The following CLIC4 variants were observed in gnomAD, a reference collection of about 807,000 sequenced individuals.
The protein encoded by CLIC4 is chloride intracellular channel protein 4.
In CLIC4, 13 loss-of-function variants were observed where a neutral mutation model predicts 24.6. The observed-to-expected ratio is 0.53, with a 90% CI of 0.34 to 0.84. The LOEUF is 0.84. Among genes scored for constraint, CLIC4 ranks in the 40% least tolerant of loss-of-function variants. The probability of loss-of-function intolerance (pLI) is 0.01; values close to 1 mark genes in which losing one functional copy is unlikely to be tolerated. For missense variants in CLIC4, 227 were observed against 301.7 expected (o/e 0.75, Z 1.83); for synonymous variants, 104 against 111.3 (o/e 0.93, Z 0.41).
At chr1:24,768,058 C>T (rs1639025355) in intron 1 of CLIC4, among the ~76,000 whole-genome samples, 1 of 152,072 alleles carries the variant, frequency 6.6e-6, no homozygotes, top group South Asian at 2.1e-4. Context: ...TCAGGCTGAT[C>T]TCGGACTCCT....
At chr1:24,774,914 T>C (rs1639115189) in intron 1 of CLIC4, among the ~76,000 whole-genome samples, 4 of 151,576 alleles carry the variant, frequency 2.6e-5, no homozygotes, top group Admixed American at 2.6e-4. Flanking sequence ...CTACTGAAAA[T>C]ACAAAAATTA....
At chr1:24,756,630 A>G (rs1297949614) in intron 1 of CLIC4, among the ~76,000 whole-genome samples, 1 of 152,228 alleles carries the variant, frequency 6.6e-6, no homozygotes, top group Non-Finnish European at 1.5e-5. Flanking sequence ...CAGCATAGCT[A>G]TTTATTTGTG....
intron 3 of CLIC4, among the ~76,000 whole-genome samples, chr1:24,819,403 A>T (rs1401001705): frequency 1.3e-5 from 2 of 152,106 alleles, no homozygotes; most frequent in African/African-American, 4.8e-5. Flanking sequence ...TCAGTAGGGT[A>T]CTATTGTGAA....
intron 1 of CLIC4, among the ~76,000 whole-genome samples, chr1:24,797,186 G>A (rs945874392): frequency 2.0e-5 from 3 of 151,248 alleles, no homozygotes; most frequent in Admixed American, 1.3e-4. Flanking sequence ...ACTCCTGACC[G>A]TGTGATCCAC....
At chr1:24,788,265 T>C (rs1317032518) in intron 1 of CLIC4, among the ~76,000 whole-genome samples, 1 of 152,098 alleles carries the variant, frequency 6.6e-6, no homozygotes, top group African/African-American at 2.4e-5. Context: ...GCTGGGATTA[T>C]AGATGTTAGC....
chr1:24,828,472 G>A (rs895479810), intron 4 of CLIC4, among the ~76,000 whole-genome samples: 1 of 151,954 alleles, frequency 6.6e-6, no homozygotes, highest in Non-Finnish European at 1.5e-5. Flanking sequence ...TCTGTTCTGC[G>A]CTTCATGCGA....
At chr1:24,797,630 C>A in intron 1 of CLIC4, 112 bp from the exon 2 acceptor site, 1 of 632,688 alleles carries the variant, frequency 1.6e-6, no homozygotes, top group Non-Finnish European at 2.6e-6. Flanking sequence ...CTTCCTTCCA[C>A]AATGTAACTT....
chr1:24,758,885 AGACTT>A (rs1385910691), intron 1 of CLIC4, among the ~76,000 whole-genome samples: 6 of 152,134 alleles, frequency 3.9e-5, no homozygotes, highest in African/African-American at 9.7e-5. Context: ...TCATGACAGA[AGACTT>A]GAATGAGTGA....
chr1:24,773,817 C>A (rs1293579440), intron 1 of CLIC4, among the ~76,000 whole-genome samples: 1 of 150,240 alleles, frequency 6.7e-6, no homozygotes, highest in African/African-American at 2.4e-5. Flanking sequence ...AGGCTGGTCT[C>A]AAAACTCCCA....
At chr1:24,791,989 C>T (rs946580518) in intron 1 of CLIC4, among the ~76,000 whole-genome samples, 5 of 147,230 alleles carry the variant, frequency 3.4e-5, no homozygotes, top group South Asian at 2.1e-4. Flanking sequence ...GTAGAGGTTG[C>T]AATGAGCCGA....
chr1:24,756,721 TAAG>T, intron 1 of CLIC4, among the ~76,000 whole-genome samples: 1 of 152,118 alleles, frequency 6.6e-6, no homozygotes, highest in South Asian at 2.1e-4. Context: ...CTGAGGTAAT[TAAG>T]AACTTTTTTT....
At chr1:24,817,531 G>A (rs1282706135) in intron 3 of CLIC4, among the ~76,000 whole-genome samples, 1 of 152,216 alleles carries the variant, frequency 6.6e-6, no homozygotes, top group African/African-American at 2.4e-5. Flanking sequence ...TTAAGGGAAT[G>A]CTGTGGCTGG....
chr1:24,783,890 AT>A (rs1188905499), intron 1 of CLIC4, among the ~76,000 whole-genome samples: 1 of 152,124 alleles, frequency 6.6e-6, no homozygotes, highest in Non-Finnish European at 1.5e-5. Flanking sequence ...TATTTACCAA[AT>A]TTGACCCTAA....
Position 24,841,035 on chromosome 1 carries a change from A to G in CLIC4, c.*98A>G, listed in dbSNP as rs1303714177. 4 of 1,007,968 alleles carry G rather than the reference A, an allele frequency of 4.0e-6. No individual in the cohort carries two copies. The South Asian group carries it at 5.2e-5, about 13-fold the overall frequency. 62.4% of individuals were successfully genotyped at this position (1,007,968 alleles called of 1,614,324 possible). On this transcript the variant is annotated 3_prime_UTR_variant, in exon 6 of 6. Coordinates refer to ENST00000374379, the MANE Select transcript of CLIC4 (RefSeq NM_013943.3). ...CTGTAGAGCAGAAATTGTATTTTGC[A>G]CGAACATGCAGTTATTGAAGATTAG...
intron 1 of CLIC4, among the ~76,000 whole-genome samples, chr1:24,766,473 G>GTTTTTTT (rs71032855): frequency 4.8e-5 from 3 of 62,076 alleles, no homozygotes; most frequent in African/African-American, 1.3e-4. Context: ...TGCCCAGACG[G>GTTTTTTT]TTTTTTTTTT....
intron 1 of CLIC4, among the ~76,000 whole-genome samples, chr1:24,758,300 T>A (rs1172338775): frequency 6.6e-6 from 1 of 151,914 alleles, no homozygotes; most frequent in Non-Finnish European, 1.5e-5. Context: ...TGCTATTGTA[T>A]GTCCTAGTCT....
Position 24,823,885 on chromosome 1 carries a change from A to G in CLIC4, c.309-3125A>G, listed in dbSNP as rs530567365. On this transcript the variant is annotated intron_variant, in intron 3 of 5. Coordinates refer to ENST00000374379, the MANE Select transcript of CLIC4 (RefSeq NM_013943.3). The stretch of plus-strand genomic sequence containing the variant: ...AATGCCTGAGATCTTTCCTAAAAGC[A>G]TGGAAACATTCTTAGCTAGTCTAAA... Among the ~76,000 whole-genome samples, 3 of 152,282 alleles carry G rather than the reference A, an allele frequency of 2.0e-5. No homozygotes were observed. The East Asian group carries it at 5.8e-4, about 29-fold the overall frequency.
chr1:24,809,740 C>G (rs921851059), intron 2 of CLIC4, among the ~76,000 whole-genome samples: 1 of 152,152 alleles, frequency 6.6e-6, no homozygotes, highest in Non-Finnish European at 1.5e-5. Flanking sequence ...GGATTACAAG[C>G]ATGAGCCACC....
intron 1 of CLIC4, among the ~76,000 whole-genome samples, chr1:24,794,351 G>GTTT (rs767444585): frequency 2.1e-4 from 27 of 130,846 alleles, no homozygotes; most frequent in Non-Finnish European, 2.5e-4. Flanking sequence ...GCCAGCATCT[G>GTTT]TTTTTTTTTT....
Sources: gnomAD v4.1 joint callset for allele counts (sites outside exome capture counted in the v4.1 genomes callset) on GRCh38, gnomAD v4.1.1 for gene constraint, MANE v1.5 for transcripts, NCBI Gene and HGNC (gene_info 2026-07-23, HGNC 2026-07-21) for gene names.